MAF: variants seen among roughly 807,000 people sequenced by gnomAD.
MAF encodes the protein transcription factor Maf.
Under a neutral mutation model 22.0 loss-of-function variants are expected in MAF, and 10 were observed. That is an observed-to-expected ratio of 0.45 (90% confidence interval 0.28 to 0.77). The LOEUF is 0.77. Among genes scored for constraint, MAF ranks in the 30% least tolerant of loss-of-function variants. The pLI, the probability that MAF is intolerant of heterozygous loss-of-function variation, is 0.12. For missense variants in MAF, 544 were observed against 548.4 expected (o/e 0.99, Z 0.08); for synonymous variants, 337 against 255.8 (o/e 1.32, Z -3.03).
the MAF span, among the ~76,000 whole-genome samples, chr16:79,408,456 G>A: frequency 6.6e-6 from 1 of 152,180 alleles, no homozygotes; most frequent in African/African-American, 2.4e-5. Flanking sequence ...GATTACAGGT[G>A]TGAGCCACCG....
chr16:79,203,613 C>G, the MAF span: 16 of 150,874 alleles, frequency 1.1e-4, no homozygotes, highest in East Asian at 5.9e-4. Context: ...GTTTGTGGTT[C>G]GTCCTGAAAT....
chr16:79,270,162 A>C, the MAF span, among the ~76,000 whole-genome samples: 1 of 152,072 alleles, frequency 6.6e-6, no homozygotes, highest in Admixed American at 6.5e-5. Flanking sequence ...CAGAAGAGAC[A>C]AAGGAAGCCC....
At chr16:79,541,403 G>A in the MAF span, among the ~76,000 whole-genome samples, 6 of 152,032 alleles carry the variant, frequency 3.9e-5, no homozygotes, top group East Asian at 3.9e-4. Flanking sequence ...GCAGTCATGC[G>A]CAGGGCTGAA....
chr16:79,582,877 C>G (rs1346964463), downstream of MAF, among the ~76,000 whole-genome samples: 1 of 152,158 alleles, frequency 6.6e-6, no homozygotes, highest in Admixed American at 6.5e-5. Context: ...TATTTAGAAG[C>G]CCTGGGGGGC....
At chr16:79,356,163 C>T in the MAF span, among the ~76,000 whole-genome samples, 18 of 134,084 alleles carry the variant, frequency 1.3e-4, no homozygotes, top group African/African-American at 4.9e-4. Flanking sequence ...TGCATGCATT[C>T]ACATACACTC....
the MAF span, among the ~76,000 whole-genome samples, chr16:79,495,055 C>T: frequency 4.6e-5 from 7 of 152,142 alleles, no homozygotes; most frequent in East Asian, 3.8e-4. Context: ...CCCCCAGACA[C>T]CCTGGTGTGT....
the MAF span, among the ~76,000 whole-genome samples, chr16:79,386,786 C>G: frequency 6.6e-6 from 1 of 151,986 alleles, no homozygotes; most frequent in Non-Finnish European, 1.5e-5. Flanking sequence ...AATGGACAAG[C>G]CACAAGCCAT....
At chr16:79,296,622 G>T in the MAF span, among the ~76,000 whole-genome samples, 2 of 144,142 alleles carry the variant, frequency 1.4e-5, no homozygotes, top group African/African-American at 5.0e-5. Context: ...TCAAAGATTT[G>T]TAATTTTTTT....
At chr16:79,313,129 C>T in the MAF span, among the ~76,000 whole-genome samples, 30 of 152,268 alleles carry the variant, frequency 2.0e-4, no homozygotes, top group African/African-American at 4.3e-4. Context: ...ATCTCACAAG[C>T]GTGCCACGAA....
the MAF span, among the ~76,000 whole-genome samples, chr16:79,534,622 G>A: frequency 5.3e-5 from 8 of 152,072 alleles, no homozygotes; most frequent in Non-Finnish European, 8.8e-5. Flanking sequence ...AGCGTTAGGA[G>A]AAATACCTAA....
At chr16:79,475,257 TTAAAA>T in the MAF span, among the ~76,000 whole-genome samples, 1 of 151,800 alleles carries the variant, frequency 6.6e-6, no homozygotes, top group Admixed American at 6.6e-5. Context: ...AGAATTAGCT[TTAAAA>T]TAAAATAAGA....
chr16:79,213,547 A>G, the MAF span, among the ~76,000 whole-genome samples: 64 of 152,338 alleles, frequency 4.2e-4, 1 homozygote, highest in Non-Finnish European at 8.1e-4. Flanking sequence ...GCCTTGGCCA[A>G]TTTGGAAAGT....
the MAF span, among the ~76,000 whole-genome samples, chr16:79,400,061 C>A: frequency 1.3e-5 from 2 of 152,120 alleles, no homozygotes; most frequent in African/African-American, 2.4e-5. Flanking sequence ...TATTTTGCCT[C>A]CAGGGGAGAG....
the MAF span, among the ~76,000 whole-genome samples, chr16:79,298,455 G>A: frequency 3.9e-5 from 6 of 152,326 alleles, no homozygotes; most frequent in African/African-American, 1.4e-4. Context: ...CCAATCTGAG[G>A]ACTATAACAA....
At chr16:79,310,616 G>A in the MAF span, among the ~76,000 whole-genome samples, 3 of 152,024 alleles carry the variant, frequency 2.0e-5, no homozygotes, top group African/African-American at 7.2e-5. Context: ...CCGCCTCCGC[G>A]ACATTTTGCA....
the MAF span, among the ~76,000 whole-genome samples, chr16:79,383,969 G>C: frequency 6.6e-6 from 1 of 152,146 alleles, no homozygotes; most frequent in African/African-American, 2.4e-5. Context: ...TTGTGAAAAA[G>C]TCCAAAGGGC....
At chr16:79,421,146 A>G in the MAF span, among the ~76,000 whole-genome samples, 5 of 152,220 alleles carry the variant, frequency 3.3e-5, no homozygotes, top group Admixed American at 2.6e-4. Context: ...TTTGCAAATT[A>G]AACTTTATCA....
the MAF span, among the ~76,000 whole-genome samples, chr16:79,537,771 CT>C: frequency 2.0e-5 from 3 of 152,114 alleles, no homozygotes; most frequent in East Asian, 3.9e-4. Flanking sequence ...CAGCTGTTAT[CT>C]TTTTTACTCA....
chr16:79,408,496 A>G, the MAF span, among the ~76,000 whole-genome samples: 2 of 152,016 alleles, frequency 1.3e-5, no homozygotes, highest in African/African-American at 4.8e-5. Flanking sequence ...TTTTCTACTT[A>G]TTATCTCATT....
Sources: gnomAD v4.1 joint callset for allele counts (sites outside exome capture counted in the v4.1 genomes callset) on GRCh38, gnomAD v4.1.1 for gene constraint, MANE v1.5 for transcripts, NCBI Gene and HGNC (gene_info 2026-07-23, HGNC 2026-07-21) for gene names.